Variants in FOXN3 observed in about 807,000 individuals in gnomAD.
The protein encoded by FOXN3 is forkhead box N3.
Under a neutral mutation model 38.4 loss-of-function variants are expected in FOXN3, and 7 were observed. That is an observed-to-expected ratio of 0.18 (90% CI 0.10 to 0.34). The LOEUF (loss-of-function observed/expected upper bound fraction) is 0.34, where lower values mean the gene tolerates loss of function less well. Among genes scored for constraint, FOXN3 ranks in the 10% least tolerant of loss-of-function variants. The pLI, the probability that FOXN3 is intolerant of heterozygous loss-of-function variation, is 1.00. For missense variants in FOXN3, 456 were observed against 613.4 expected (o/e 0.74, Z 2.71); for synonymous variants, 230 against 242.2 (o/e 0.95, Z 0.47).
chr14:89,295,716 T>G (rs1456307193), intron 3 of FOXN3, among the ~76,000 whole-genome samples: 1 of 151,302 alleles, frequency 6.6e-6, no homozygotes, highest in African/African-American at 2.4e-5. Context: ...GCCTCCTGAG[T>G]AGCTGGGACT....
chr14:89,469,287 A>C (rs1013298094), intron 1 of FOXN3, among the ~76,000 whole-genome samples: 1 of 152,148 alleles, frequency 6.6e-6, no homozygotes, highest in Non-Finnish European at 1.5e-5. Context: ...GCCATCGGCC[A>C]ATCCCTGCCT....
At chr14:89,251,217 CA>C (rs1209876774) in intron 4 of FOXN3, among the ~76,000 whole-genome samples, 1 of 152,218 alleles carries the variant, frequency 6.6e-6, no homozygotes, top group Non-Finnish European at 1.5e-5. Flanking sequence ...CTTCTTCCCA[CA>C]TATCCTACAT....
intron 4 of FOXN3, among the ~76,000 whole-genome samples, chr14:89,274,712 C>T (rs912899992): frequency 1.3e-5 from 2 of 152,298 alleles, no homozygotes; most frequent in Admixed American, 6.5e-5. Context: ...TTGAGAGTAT[C>T]GAGTACAGCT....
chr14:89,429,549 C>A (rs1399006463), intron 1 of FOXN3, among the ~76,000 whole-genome samples: 2 of 151,360 alleles, frequency 1.3e-5, no homozygotes, highest in Admixed American at 1.3e-4. Flanking sequence ...TTTTTTGAAG[C>A]CTGAAAAACT....
At chr14:89,508,268 C>G (rs113469990) in intron 1 of FOXN3, among the ~76,000 whole-genome samples, 1 of 152,194 alleles carries the variant, frequency 6.6e-6, no homozygotes, top group Admixed American at 6.5e-5. Flanking sequence ...TGGCTCAGCT[C>G]AAAGCATACG....
At chr14:89,172,615 C>G (rs1245162435) in intron 5 of FOXN3, among the ~76,000 whole-genome samples, 1 of 152,070 alleles carries the variant, frequency 6.6e-6, no homozygotes, top group Admixed American at 6.5e-5. Context: ...TAAGAACTTA[C>G]AAAGATATCA....
chr14:89,523,814 G>C (rs1488121992), intron 1 of FOXN3, among the ~76,000 whole-genome samples: 2 of 151,918 alleles, frequency 1.3e-5, no homozygotes, highest in African/African-American at 4.8e-5. Context: ...CCAGGCTGGA[G>C]TGCAATGGTG....
intron 1 of FOXN3, among the ~76,000 whole-genome samples, chr14:89,588,746 T>C (rs1895896738): frequency 1.3e-5 from 2 of 152,174 alleles, no homozygotes; most frequent in South Asian, 2.1e-4. Flanking sequence ...ATTTAAGACA[T>C]AGCAGGGGTA....
intron 4 of FOXN3, among the ~76,000 whole-genome samples, chr14:89,210,266 G>A (rs1566929796): frequency 6.6e-6 from 1 of 152,144 alleles, no homozygotes; most frequent in East Asian, 1.9e-4. Context: ...ACAAGATCTG[G>A]TTGTTTAAAT....
intron 4 of FOXN3, among the ~76,000 whole-genome samples, chr14:89,262,342 C>A (rs1296807661): frequency 6.6e-6 from 1 of 152,244 alleles, no homozygotes; most frequent in Non-Finnish European, 1.5e-5. Context: ...AGACCCTGCA[C>A]ACACACAAAT....
At chr14:89,381,961 C>T (rs1231441595) in intron 2 of FOXN3, among the ~76,000 whole-genome samples, 1 of 152,106 alleles carries the variant, frequency 6.6e-6, no homozygotes, top group Non-Finnish European at 1.5e-5. Context: ...CCTGGTGTGT[C>T]TGCAGCCCAC....
chr14:89,531,565 A>G (rs1464299377), intron 1 of FOXN3, among the ~76,000 whole-genome samples: 1 of 152,192 alleles, frequency 6.6e-6, no homozygotes, highest in African/African-American at 2.4e-5. Context: ...TCCCAGTGCT[A>G]TCACTGGAGC....
upstream of FOXN3, among the ~76,000 whole-genome samples, chr14:89,420,747 G>C (rs963175283): frequency 6.6e-6 from 1 of 152,126 alleles, no homozygotes; most frequent in Non-Finnish European, 1.5e-5. Flanking sequence ...ACACAGATTA[G>C]TGGGTAAGAG....
chr14:89,184,516 T>G (rs1261627611), intron 4 of FOXN3, among the ~76,000 whole-genome samples: 1 of 152,248 alleles, frequency 6.6e-6, no homozygotes, highest in Non-Finnish European at 1.5e-5. Context: ...AAGTTCCTAC[T>G]GGAGACCACG....
chr14:89,470,303 A>G (rs1246867319), intron 1 of FOXN3, among the ~76,000 whole-genome samples: 1 of 152,176 alleles, frequency 6.6e-6, no homozygotes, highest in Non-Finnish European at 1.5e-5. Context: ...CTAAAAAAAA[A>G]AAAAAGCATT....
At chr14:89,340,973 C>A (rs1888598487) in intron 3 of FOXN3, among the ~76,000 whole-genome samples, 1 of 152,054 alleles carries the variant, frequency 6.6e-6, no homozygotes, top group East Asian at 1.9e-4. Context: ...TGCATCTATT[C>A]CCTCAAGTTT....
chr14:89,165,225 C>T (rs1449475742), intron 5 of FOXN3, among the ~76,000 whole-genome samples: 4 of 152,324 alleles, frequency 2.6e-5, no homozygotes, highest in East Asian at 1.9e-4. Context: ...AAGCCACACA[C>T]GCCTGTGCTC....
intron 1 of FOXN3, among the ~76,000 whole-genome samples, chr14:89,455,189 G>A (rs1473109275): frequency 6.6e-6 from 1 of 152,168 alleles, no homozygotes; most frequent in Non-Finnish European, 1.5e-5. Context: ...AGAAGGCCCT[G>A]AGCTCTCCCT....
intron 1 of FOXN3, among the ~76,000 whole-genome samples, chr14:89,547,078 C>T (rs1412849749): frequency 1.3e-5 from 2 of 152,184 alleles, no homozygotes; most frequent in African/African-American, 2.4e-5. Flanking sequence ...AGTCACCACA[C>T]CAGCCCTGAC....
Sources: gnomAD v4.1 joint callset for allele counts (sites outside exome capture counted in the v4.1 genomes callset) on GRCh38, gnomAD v4.1.1 for gene constraint, MANE v1.5 for transcripts, NCBI Gene and HGNC (gene_info 2026-07-23, HGNC 2026-07-21) for gene names.